Variants in GRID2 observed in about 807,000 individuals in gnomAD.
GRID2 encodes glutamate ionotropic receptor delta type subunit 2.
A neutral mutation model predicts 114.8 loss-of-function variants in GRID2; 33 were observed. That is an observed-to-expected ratio of 0.29 (90% CI 0.22 to 0.38). GRID2 has a LOEUF of 0.38. GRID2 is among the 10% of genes least tolerant of loss of function. GRID2 has a pLI of 1.00. For missense variants in GRID2, 1,184 were observed against 1,257.7 expected (o/e 0.94, Z 0.89); for synonymous variants, 505 against 449.9 (o/e 1.12, Z -1.55).
At chr4:92,645,774 C>T (rs1259741570) in intron 2 of GRID2, among the ~76,000 whole-genome samples, 1 of 151,676 alleles carries the variant, frequency 6.6e-6, no homozygotes, top group Non-Finnish European at 1.5e-5. Context: ...TTGAGACTTT[C>T]CCATGTTTTA....
intron 13 of GRID2, among the ~76,000 whole-genome samples, chr4:93,594,497 C>T (rs1454211415): frequency 7.9e-5 from 12 of 152,116 alleles, no homozygotes; most frequent in Non-Finnish European, 1.5e-5. Flanking sequence ...GAGGTTACTG[C>T]TGTCTTTTTG....
At chr4:93,103,872 G>A (rs984450554) in intron 3 of GRID2, among the ~76,000 whole-genome samples, 9 of 148,430 alleles carry the variant, frequency 6.1e-5, no homozygotes, top group African/African-American at 2.2e-4. Context: ...TTTCCTGAGC[G>A]TTTCTGATCC....
chr4:92,550,614 G>A (rs1210744308), intron 1 of GRID2, among the ~76,000 whole-genome samples: 2 of 152,186 alleles, frequency 1.3e-5, no homozygotes, highest in African/African-American at 4.8e-5. Flanking sequence ...GAGGCTTGAA[G>A]AGCTTGCTCT....
intron 13 of GRID2, among the ~76,000 whole-genome samples, chr4:93,612,016 A>T (rs1245372338): frequency 6.6e-6 from 1 of 151,598 alleles, no homozygotes; most frequent in Non-Finnish European, 1.5e-5. Flanking sequence ...GGGTGCATAA[A>T]TATTTAGGAT....
chr4:93,553,358 A>G (rs970481585), intron 13 of GRID2, among the ~76,000 whole-genome samples: 1 of 152,140 alleles, frequency 6.6e-6, no homozygotes, highest in Non-Finnish European at 1.5e-5. Context: ...TGTGGTTTTG[A>G]TTTGGATTAA....
chr4:92,377,366 G>C (rs1729405667), intron 1 of GRID2, among the ~76,000 whole-genome samples: 1 of 151,990 alleles, frequency 6.6e-6, no homozygotes, highest in Non-Finnish European at 1.5e-5. Flanking sequence ...ACTTCCATCT[G>C]AGACCACCTC....
intron 3 of GRID2, among the ~76,000 whole-genome samples, chr4:93,086,340 C>T (rs1346642378): frequency 6.6e-6 from 1 of 152,160 alleles, no homozygotes; most frequent in Non-Finnish European, 1.5e-5. Context: ...TTGTCCTAAG[C>T]TACCCAGCAA....
At chr4:93,789,233 T>A (rs1734649544) in intron 1 of GRID2, among the ~76,000 whole-genome samples, 1 of 152,358 alleles carries the variant, frequency 6.6e-6, no homozygotes, top group Admixed American at 6.5e-5. Context: ...TTAATTGCTA[T>A]ATTAAACATT....
At chr4:93,286,694 GGTGTGTGTGT>G (rs113830718) in intron 8 of GRID2, among the ~76,000 whole-genome samples, 2 of 148,192 alleles carry the variant, frequency 1.3e-5, no homozygotes, top group East Asian at 2.0e-4. Context: ...TGTGTGTGGG[GGTGTGTGTGT>G]GTGTGTGTGT....
chr4:93,747,976 C>G (rs1361752392), intron 14 of GRID2, among the ~76,000 whole-genome samples: 1 of 151,988 alleles, frequency 6.6e-6, no homozygotes, highest in East Asian at 1.9e-4. Flanking sequence ...AAAAAGAAGA[C>G]TATTTGGTTA....
At chr4:92,396,096 A>T (rs538121514) in intron 1 of GRID2, among the ~76,000 whole-genome samples, 3 of 152,030 alleles carry the variant, frequency 2.0e-5, no homozygotes, top group Non-Finnish European at 4.4e-5. Context: ...AAATAAAGTG[A>T]TACCTTAAAT....
chr4:92,479,227 G>A (rs1489212993), intron 1 of GRID2, among the ~76,000 whole-genome samples: 2 of 152,056 alleles, frequency 1.3e-5, no homozygotes, highest in African/African-American at 2.4e-5. Flanking sequence ...GTTTGTGCAC[G>A]CTATGGAAAT....
chr4:92,715,242 T>G (rs1735480184), intron 2 of GRID2, among the ~76,000 whole-genome samples: 1 of 152,222 alleles, frequency 6.6e-6, no homozygotes, highest in South Asian at 2.1e-4. Flanking sequence ...TTTCTCCATT[T>G]TCCAACAAGT....
chr4:93,424,679 T>C (rs1768665251), intron 10 of GRID2, among the ~76,000 whole-genome samples: 1 of 152,160 alleles, frequency 6.6e-6, no homozygotes, highest in African/African-American at 2.4e-5. Context: ...TTTGCATTTA[T>C]TGTGCTGAGA....
chr4:92,692,379 C>T (rs1041857016), intron 2 of GRID2, among the ~76,000 whole-genome samples: 1 of 152,030 alleles, frequency 6.6e-6, no homozygotes, highest in African/African-American at 2.4e-5. Flanking sequence ...TAGTCCATTT[C>T]ACAGAATAGC....
chr4:93,314,355 A>G (rs1756357924), intron 8 of GRID2, among the ~76,000 whole-genome samples: 2 of 150,964 alleles, frequency 1.3e-5, no homozygotes, highest in South Asian at 4.2e-4. Flanking sequence ...TGAAAAAAAC[A>G]CATTCTTCCA....
At chr4:92,696,210 G>C (rs1734418064) in intron 2 of GRID2, among the ~76,000 whole-genome samples, 2 of 152,120 alleles carry the variant, frequency 1.3e-5, no homozygotes, top group South Asian at 4.1e-4. Flanking sequence ...ACCAGATACT[G>C]CCCTAGTTTC....
chr4:93,012,503 G>A (rs1437405527), intron 2 of GRID2, among the ~76,000 whole-genome samples: 1 of 152,036 alleles, frequency 6.6e-6, no homozygotes, highest in Non-Finnish European at 1.5e-5. Context: ...AATCTACTGT[G>A]CATTTGATAG....
intron 2 of GRID2, among the ~76,000 whole-genome samples, chr4:93,005,385 T>C (rs958347315): frequency 6.6e-6 from 1 of 152,066 alleles, no homozygotes; most frequent in African/African-American, 2.4e-5. Context: ...TGAATCCTGC[T>C]ACTGTCCTAG....
Sources: allele counts gnomAD v4.1 joint callset (sites outside exome capture counted in the v4.1 genomes callset), GRCh38; gene constraint gnomAD v4.1.1; transcripts MANE v1.5; gene names NCBI Gene and HGNC (gene_info 2026-07-23, HGNC 2026-07-21).